Variants in SASH1 observed in about 807,000 individuals in gnomAD.
SASH1 encodes SAM and SH3 domain containing 1, also known as SAM and SH3 domain-containing protein 1.
SASH1 carries 44 observed loss-of-function variants against 125.2 expected under a neutral mutation model. The ratio of observed to expected loss-of-function variants is 0.35; its 90% CI spans 0.28 to 0.45. SASH1 has a LOEUF of 0.45. Among genes scored for constraint, SASH1 ranks in the 20% least tolerant of loss-of-function variants. The pLI, the probability that SASH1 is intolerant of heterozygous loss-of-function variation, is 1.00. For missense variants in SASH1, 1,426 were observed against 1,614.5 expected, an observed-to-expected ratio of 0.88 and a Z score of 2.00; for synonymous variants, 639 against 649.1, an observed-to-expected ratio of 0.98 and a Z score of 0.24.
chr6:148,469,404 G>A (rs1777994954), intron 5 of SASH1, among the ~76,000 whole-genome samples: 3 of 152,178 alleles, frequency 2.0e-5, no homozygotes. Context: ...CATGAAAATG[G>A]GAGAAGGGAG....
intron 1 of SASH1, among the ~76,000 whole-genome samples, chr6:148,366,971 C>CT (rs10676946): frequency 0.12 from 15,479 of 125,268 alleles, 1,193 homozygotes; most frequent in East Asian, 0.14. Context: ...TAGTGGGTAG[C>CT]TTTTTTTTTT....
chr6:148,206,812 C>CAT, the SASH1 span, among the ~76,000 whole-genome samples: 1 of 151,436 alleles, frequency 6.6e-6, no homozygotes, highest in East Asian at 1.9e-4. Context: ...CACACACACA[C>CAT]ACACACACAC....
At chr6:148,546,287 C>T in intron 19 of SASH1, 141 bp downstream of exon 19, 2 of 945,228 alleles carry the variant, frequency 2.1e-6, no homozygotes, top group Non-Finnish European at 3.1e-6. Flanking sequence ...AATATGTGGT[C>T]AGCCTAGAAA....
chr6:148,206,105 C>A, the SASH1 span, among the ~76,000 whole-genome samples: 1 of 151,782 alleles, frequency 6.6e-6, no homozygotes, highest in African/African-American at 2.4e-5. Context: ...ATTTTCTTTG[C>A]CATTTATTTT....
chr6:148,532,671 G>T lies in SASH1; in HGVS notation c.1565-126G>T. 9.1e-7 allele frequency: 1 copy of T among 1,102,550 alleles called. No homozygotes were observed. Among genetic ancestry groups the T allele is most frequent in the Non-Finnish European group, 1.3e-6 (1 of 754,008 alleles). The allele number at this position is 1,102,550 out of a possible 1,614,324, so 68.3% of individuals were successfully genotyped here. A position where few individuals can be genotyped will look rare whatever the true frequency, so the allele number is the denominator to read the frequency against. Reference sequence around the variant, plus strand: ...GGGCCCTGCCCTGGTCCTGACAGAGGGTTGTGGCTCAAGGCTTCCTTTCTC... The same window carrying T: ...GGGCCCTGCCCTGGTCCTGACAGAGTGTTGTGGCTCAAGGCTTCCTTTCTC... On this transcript the variant is annotated intron_variant, in intron 13 of 19. Transcript: ENST00000367467. The surrounding 1 kb of genome is among the most constrained non-coding windows in gnomAD (Gnocchi z 4.7).
the SASH1 span, among the ~76,000 whole-genome samples, chr6:148,200,325 T>C: frequency 1.3e-5 from 2 of 152,234 alleles, no homozygotes; most frequent in African/African-American, 4.8e-5. Flanking sequence ...CTAGTCTGTC[T>C]TGAATATGTT....
chr6:148,533,799 A>C lies in SASH1; in HGVS notation c.1763A>C (p.Lys588Thr). 1.2e-6 allele frequency: 2 copies of C among 1,613,696 alleles called. No individual in the cohort carries two copies. Residue 588 changes from lysine to threonine, a missense_variant, in exon 15 of 20, where the codon AAG becomes ACG. Lys to Thr is a moderately conservative substitution (Grantham distance 78). Coordinates refer to ENST00000367467, the MANE Select transcript of SASH1 (RefSeq NM_015278.5). This position sits in a 1 kb window ranked among gnomAD's most constrained non-coding sequence, Gnocchi z 6.2. ...KKGDIIDIIS[K>T]PPMGTWMGLL... The stretch of plus-strand genomic sequence containing the variant: ...GGAGATATCATCGATATAATCAGCA[A>C]GCCACCCATGGGGACCTGGATGGGC...
intron 2 of SASH1, among the ~76,000 whole-genome samples, chr6:148,408,987 A>G (rs1784488299): frequency 6.6e-6 from 1 of 152,204 alleles, no homozygotes; most frequent in South Asian, 2.1e-4. Context: ...TCACTCGGCT[A>G]CATTCACCTG....
intron 9 of SASH1, among the ~76,000 whole-genome samples, chr6:148,517,955 C>A (rs1323235214): frequency 6.6e-6 from 1 of 152,232 alleles, no homozygotes; most frequent in East Asian, 1.9e-4. Context: ...GAAGCCACAA[C>A]CACGCTCGAC....
At chr6:148,388,909 C>T (rs1486722569) in intron 1 of SASH1, among the ~76,000 whole-genome samples, 2 of 149,608 alleles carry the variant, frequency 1.3e-5, no homozygotes, top group East Asian at 2.0e-4. Flanking sequence ...CCTTGGTTGT[C>T]TTGGTAAAGT....
chr6:148,543,418 G>A (rs998840827), intron 17 of SASH1, among the ~76,000 whole-genome samples: 2 of 152,158 alleles, frequency 1.3e-5, no homozygotes, highest in African/African-American at 4.8e-5. Flanking sequence ...GCTTGACACA[G>A]CGTATTTCTT....
rs766808337 is a variant in SASH1, at chr6:148,532,900, C to T, written c.1668C>T (p.Cys556=). 9.9e-6 allele frequency: 16 copies of T among 1,614,124 alleles called. No individual in the cohort carries two copies. Among genetic ancestry groups the T allele is most frequent in the South Asian group, 9.9e-5 (9 of 91,094 alleles). Residue 556 remains cysteine (C), a synonymous_variant, in exon 14 of 20, where the codon TGC becomes TGT. Transcript: ENST00000367467. The surrounding 1 kb of genome is among the most constrained non-coding windows in gnomAD (Gnocchi z 4.7). The part of the protein sequence containing the change: ...DEEPPYRGPF[C]GRARVHTDFT... ...AGCCGCCTTACCGAGGCCCGTTCTG[C>T]GGGCGTGCCAGGGTGCACACCGACT... is the stretch of plus-strand genomic sequence containing the variant.
chr6:148,371,952 C>A (rs1782722224), intron 1 of SASH1, among the ~76,000 whole-genome samples: 1 of 152,132 alleles, frequency 6.6e-6, no homozygotes, highest in African/African-American at 2.4e-5. Context: ...TATTCACTTA[C>A]AAATTGCAAA....
chr6:148,307,032 C>CTT (rs1260893534), intron 1 of SASH1, among the ~76,000 whole-genome samples: 16 of 43,984 alleles, frequency 3.6e-4, no homozygotes, highest in African/African-American at 1.9e-3. Flanking sequence ...TCTTTTCTTT[C>CTT]TTTCTTTCTT....
chr6:148,308,203 G>A (rs972255677), intron 1 of SASH1, among the ~76,000 whole-genome samples: 1 of 151,872 alleles, frequency 6.6e-6, no homozygotes, highest in African/African-American at 2.4e-5. Flanking sequence ...ACATCCAAGT[G>A]TATATATGTA....
chr6:148,247,343 GA>G, the SASH1 span, among the ~76,000 whole-genome samples: 1 of 152,154 alleles, frequency 6.6e-6, no homozygotes, highest in Non-Finnish European at 1.5e-5. Flanking sequence ...TGAAATAGAA[GA>G]AATTAAGGTT....
chr6:148,410,892 G>T (rs780052837), intron 2 of SASH1, among the ~76,000 whole-genome samples: 9 of 152,178 alleles, frequency 5.9e-5, no homozygotes, highest in African/African-American at 2.2e-4. Flanking sequence ...GGGCACAGTG[G>T]CTCATGCCTG....
chr6:148,458,945 T>G (rs990915397), intron 4 of SASH1, among the ~76,000 whole-genome samples: 1 of 140,788 alleles, frequency 7.1e-6, no homozygotes. Context: ...CTAGCCTGGG[T>G]GATAGAGCAA....
At chr6:148,534,253 C>G (rs977115622) in intron 15 of SASH1, among the ~76,000 whole-genome samples, 2 of 152,186 alleles carry the variant, frequency 1.3e-5, no homozygotes, top group African/African-American at 2.4e-5. Context: ...AAACTCCTGG[C>G]ACCTTGATCG....
Sources: allele counts gnomAD v4.1 joint callset (sites outside exome capture counted in the v4.1 genomes callset), GRCh38; gene constraint gnomAD v4.1.1; non-coding constraint Gnocchi (gnomAD v3.1); transcripts MANE v1.5; gene names NCBI Gene and HGNC (gene_info 2026-07-23, HGNC 2026-07-21).